PLPP1: variants seen among roughly 807,000 people sequenced by gnomAD.
The protein encoded by PLPP1 is phospholipid phosphatase 1.
A neutral mutation model predicts 31.2 loss-of-function variants in PLPP1; 24 were observed. The observed-to-expected ratio is 0.77, with a 90% CI of 0.56 to 1.08. PLPP1 has a LOEUF of 1.08. PLPP1 is among the 50% of genes least tolerant of loss of function. The probability of loss-of-function intolerance (pLI) is 0.00; values close to 1 mark genes in which losing one functional copy is unlikely to be tolerated. For missense variants in PLPP1, 319 were observed against 342.7 expected (o/e 0.93, Z 0.55); for synonymous variants, 146 against 126.3 (o/e 1.16, Z -1.05).
chr5:55,431,927 CCAAT>C (rs1157192774), intron 4 of PLPP1, among the ~76,000 whole-genome samples: 2 of 152,098 alleles, frequency 1.3e-5, no homozygotes, highest in Admixed American at 6.5e-5. Context: ...ACATCTATCT[CCAAT>C]CATCTATTTG....
chr5:55,431,226 T>C (rs1383543330), intron 4 of PLPP1, among the ~76,000 whole-genome samples: 1 of 152,168 alleles, frequency 6.6e-6, no homozygotes, highest in Non-Finnish European at 1.5e-5. Context: ...CCCAAATAGA[T>C]GCAATTCAAA....
In PLPP1 at chr5:55,470,298, A is replaced by G. The variant is rs146900647; in HGVS notation, c.211-2149T>C. Among the ~76,000 whole-genome samples the G allele has an allele frequency of 1.3e-3, 204 of 152,346 alleles. 2 individuals carry two copies. The Middle Eastern group carries it at 0.024, about 18-fold the overall frequency. ...TCTTGAAAACATATCAAGTATATTA[A>G]TCAACCACAGTTTCAGCAGTTGAAA... On this transcript the variant is annotated intron_variant, in intron 2 of 5. Coordinates refer to ENST00000307259, the MANE Select transcript of PLPP1 (RefSeq NM_003711.4).
intron 4 of PLPP1, among the ~76,000 whole-genome samples, chr5:55,427,309 C>T (rs540332495): frequency 3.9e-4 from 60 of 152,260 alleles, no homozygotes; most frequent in African/African-American, 1.4e-3. Context: ...GGTGTTCAGT[C>T]ACCAAAAGCT....
At chr5:55,465,120 T>C (rs950111618) in intron 3 of PLPP1, among the ~76,000 whole-genome samples, 10 of 151,572 alleles carry the variant, frequency 6.6e-5, no homozygotes, top group Non-Finnish European at 1.2e-4. Flanking sequence ...CTCTGCTCAC[T>C]GCAACCTCTG....
At chr5:55,501,731 TG>T (rs1317530258) in intron 1 of PLPP1, among the ~76,000 whole-genome samples, 2 of 152,190 alleles carry the variant, frequency 1.3e-5, no homozygotes, top group Admixed American at 1.3e-4. Context: ...CTGGAACTCC[TG>T]ACCTCAGGTG....
intron 4 of PLPP1, 140 bp downstream of exon 4, chr5:55,441,711 A>G (rs1751624201): frequency 1.1e-6 from 1 of 946,748 alleles, no homozygotes; most frequent in Admixed American, 2.0e-5. Context: ...ACTTCTCAGT[A>G]TGAAACTTAC....
At chr5:55,521,072 G>A (rs1753655075) in intron 1 of PLPP1, among the ~76,000 whole-genome samples, 1 of 152,042 alleles carries the variant, frequency 6.6e-6, no homozygotes, top group Admixed American at 6.5e-5. Flanking sequence ...ATTAGCCGGA[G>A]CTGGGGGCGG....
intron 1 of PLPP1, among the ~76,000 whole-genome samples, chr5:55,497,770 C>A (rs924970776): frequency 5.3e-5 from 8 of 152,138 alleles, no homozygotes; most frequent in African/African-American, 1.9e-4. Context: ...GATAGTGCAA[C>A]CTCCTGAAGC....
Position 55,534,564 on chromosome 5 carries a change from G to A in PLPP1, c.58+8C>T, listed in dbSNP as rs762546207. ...ACACGCCCCTCGGACCCGGCGGCGC[G>A]TACGTACCCAGCAACACGCAGAGCA... On this transcript the variant is annotated splice_region_variant and intron_variant, in intron 1 of 5. Coordinates refer to ENST00000307259, the MANE Select transcript of PLPP1 (RefSeq NM_003711.4). 6.5e-7 allele frequency: 1 copy of A among 1,537,172 alleles called. No individual in the cohort carries two copies. The highest frequency in any genetic ancestry group is 1.2e-5 in the South Asian group (1 of 82,240).
At chr5:55,477,784 A>G (rs1428382632) in intron 1 of PLPP1, among the ~76,000 whole-genome samples, 1 of 152,112 alleles carries the variant, frequency 6.6e-6, no homozygotes, top group African/African-American at 2.4e-5. Context: ...GCATTTTCCA[A>G]TAAACATTTC....
At chr5:55,438,040 CAGG>C (rs943083250) in intron 4 of PLPP1, among the ~76,000 whole-genome samples, 2 of 152,220 alleles carry the variant, frequency 1.3e-5, no homozygotes, top group African/African-American at 4.8e-5. Context: ...CATTTTGTGG[CAGG>C]AGGAGAGTCT....
chr5:55,482,408 T>C (rs540612520), intron 1 of PLPP1, among the ~76,000 whole-genome samples: 2 of 152,262 alleles, frequency 1.3e-5, no homozygotes, highest in Non-Finnish European at 2.9e-5. Context: ...CTTATTCTAT[T>C]TAACATTTTG....
intron 4 of PLPP1, among the ~76,000 whole-genome samples, chr5:55,434,512 A>G (rs1398055540): frequency 6.6e-6 from 1 of 152,224 alleles, no homozygotes; most frequent in Non-Finnish European, 1.5e-5. Context: ...TGGAGGCATC[A>G]CACTACCTGA....
intron 1 of PLPP1, chr5:55,530,321 AATAGG>A: frequency 6.9e-7 from 1 of 1,452,078 alleles, no homozygotes. Flanking sequence ...GAGATACACA[AATAGG>A]ACATGTCACA....
At chr5:55,433,417 A>T (rs1182353088) in intron 4 of PLPP1, among the ~76,000 whole-genome samples, 2 of 59,030 alleles carry the variant, frequency 3.4e-5, no homozygotes. Flanking sequence ...TTATATGTAG[A>T]AAAACCTAAA....
At chr5:55,517,011 T>C (rs1000807563) in intron 1 of PLPP1, among the ~76,000 whole-genome samples, 2 of 152,196 alleles carry the variant, frequency 1.3e-5, no homozygotes, top group African/African-American at 4.8e-5. Flanking sequence ...AAGTCTCCTA[T>C]AATTCACTAT....
At chr5:55,488,931 A>C (rs1752830357) in intron 1 of PLPP1, among the ~76,000 whole-genome samples, 1 of 152,142 alleles carries the variant, frequency 6.6e-6, no homozygotes, top group African/African-American at 2.4e-5. Context: ...TGAGAGGCTG[A>C]GGCAGGAGAA....
At chr5:55,454,618 T>C (rs1751965985) in intron 3 of PLPP1, among the ~76,000 whole-genome samples, 1 of 152,220 alleles carries the variant, frequency 6.6e-6, no homozygotes, top group Non-Finnish European at 1.5e-5. Flanking sequence ...TGTCAGGTAC[T>C]GACATTAAGA....
At position 55,488,004 on chromosome 5, in the gene PLPP1, C is replaced by T. The variant is rs1005891572; in HGVS notation, c.59-12554G>A. Among the ~76,000 whole-genome samples, 5 of 151,864 alleles carry T rather than the reference C, an allele frequency of 3.3e-5. No individual in the cohort carries two copies. The South Asian group carries it at 8.3e-4, about 25-fold the overall frequency. On this transcript the variant is annotated intron_variant, in intron 1 of 5. Transcript: ENST00000307259. ...ATTAGCCGAGTGTGGTGGTATTGCACGGCAGTTGTAGTGAGCCAAGATCAT... is the reference window on the plus strand; with the variant it reads ...ATTAGCCGAGTGTGGTGGTATTGCATGGCAGTTGTAGTGAGCCAAGATCAT...
Sources: gnomAD v4.1 joint callset for allele counts (sites outside exome capture counted in the v4.1 genomes callset) on GRCh38, gnomAD v4.1.1 for gene constraint, MANE v1.5 for transcripts, NCBI Gene and HGNC (gene_info 2026-07-23, HGNC 2026-07-21) for gene names.